Variants in KPNA3 observed in about 807,000 individuals in gnomAD.
KPNA3 encodes the protein karyopherin subunit alpha 3.
A neutral mutation model predicts 73.8 loss-of-function variants in KPNA3; 13 were observed. The ratio of observed to expected loss-of-function variants is 0.18; its 90% CI spans 0.11 to 0.28. The LOEUF is 0.28. Among genes scored for constraint, KPNA3 ranks in the 10% least tolerant of loss-of-function variants. KPNA3 has a pLI of 1.00. For synonymous variants in KPNA3, 186 were observed against 206.9 expected, an observed-to-expected ratio of 0.90 and a Z score of 0.87; for missense variants, 360 against 618.1, an observed-to-expected ratio of 0.58 and a Z score of 4.43.
chr13:49,748,709 T>C (rs1268586018), intron 1 of KPNA3, among the ~76,000 whole-genome samples: 1 of 152,104 alleles, frequency 6.6e-6, no homozygotes, highest in Non-Finnish European at 1.5e-5. Flanking sequence ...AAATTAGTCA[T>C]ATTCATTTCA....
chr13:49,757,853 C>A (rs1794190227), intron 1 of KPNA3, among the ~76,000 whole-genome samples: 1 of 152,104 alleles, frequency 6.6e-6, no homozygotes, highest in Non-Finnish European at 1.5e-5. Flanking sequence ...ACTGCTGATA[C>A]AAACAATGAC....
chr13:49,744,298 C>G (rs1029154406), intron 2 of KPNA3, among the ~76,000 whole-genome samples: 10 of 152,222 alleles, frequency 6.6e-5, no homozygotes, highest in Non-Finnish European at 1.0e-4. Context: ...GCTCATTTCT[C>G]TGGTCTAAAT....
chr13:49,756,317 T>G (rs1954711482), intron 1 of KPNA3, among the ~76,000 whole-genome samples: 1 of 151,918 alleles, frequency 6.6e-6, no homozygotes, highest in East Asian at 1.9e-4. Context: ...GTAATCCCAG[T>G]GCTTTGGGAG....
At chr13:49,766,389 T>C (rs1267513505) in intron 1 of KPNA3, among the ~76,000 whole-genome samples, 1 of 152,226 alleles carries the variant, frequency 6.6e-6, no homozygotes, top group Non-Finnish European at 1.5e-5. Context: ...TGATTACCTC[T>C]ATTGCTGAAT....
chr13:49,770,665 T>G (rs536787017), intron 1 of KPNA3, among the ~76,000 whole-genome samples: 2 of 152,126 alleles, frequency 1.3e-5, no homozygotes, highest in African/African-American at 4.8e-5. Flanking sequence ...AGTTTTTACA[T>G]GTATATCTTT....
intron 1 of KPNA3, among the ~76,000 whole-genome samples, chr13:49,747,367 A>C (rs965418624): frequency 6.6e-6 from 1 of 151,630 alleles, no homozygotes; most frequent in Non-Finnish European, 1.5e-5. Flanking sequence ...AGAAGAAGAA[A>C]AAAAAAAACT....
intron 1 of KPNA3, among the ~76,000 whole-genome samples, chr13:49,777,309 C>A (rs1954905315): frequency 6.6e-6 from 1 of 152,054 alleles, no homozygotes; most frequent in Non-Finnish European, 1.5e-5. Context: ...GTTTCTGAAA[C>A]AGGAAATGCA....
chr13:49,751,957 G>A lies in KPNA3; in HGVS notation c.70-4964C>T, dbSNP rs187453793. On this transcript the variant is annotated intron_variant, in intron 1 of 16. Coordinates refer to ENST00000261667, the MANE Select transcript of KPNA3 (RefSeq NM_002267.4). ...AGGTTGGGAGACAAAGTATTCTAACGAATTCTCAAATACAAGCAGGGTCTG... is the reference window on the plus strand; with the variant it reads ...AGGTTGGGAGACAAAGTATTCTAACAAATTCTCAAATACAAGCAGGGTCTG... Among the ~76,000 whole-genome samples the A allele has an allele frequency of 1.6e-4, 25 of 152,202 alleles. No homozygotes were observed. The East Asian group carries it at 3.7e-3, about 22-fold the overall frequency.
chr13:49,781,669 G>A (rs996571516), intron 1 of KPNA3, among the ~76,000 whole-genome samples: 5 of 152,228 alleles, frequency 3.3e-5, no homozygotes, highest in Non-Finnish European at 5.9e-5. Flanking sequence ...CTTGGATCCC[G>A]AGAACTCATT....
chr13:49,771,774 C>A (rs1326905894), intron 1 of KPNA3, among the ~76,000 whole-genome samples: 2 of 152,166 alleles, frequency 1.3e-5, no homozygotes, highest in South Asian at 2.1e-4. Flanking sequence ...CCACCTTAGC[C>A]TCTAGAGTAG....
chr13:49,782,116 T>C (rs1352809665), intron 1 of KPNA3, among the ~76,000 whole-genome samples: 8 of 152,172 alleles, frequency 5.3e-5, no homozygotes, highest in African/African-American at 1.9e-4. Context: ...GGCACATTAA[T>C]TAATCAGAGG....
intron 15 of KPNA3, among the ~76,000 whole-genome samples, chr13:49,702,907 G>C (rs1594426108): frequency 6.6e-6 from 1 of 152,134 alleles, no homozygotes; most frequent in East Asian, 1.9e-4. Context: ...TGTCACCCAG[G>C]CTGGAGTGCA....
chr13:49,765,170 G>A (rs1318678463), intron 1 of KPNA3, among the ~76,000 whole-genome samples: 1 of 152,040 alleles, frequency 6.6e-6, no homozygotes, highest in Non-Finnish European at 1.5e-5. Context: ...AATAACTCTG[G>A]ATAATCCAGA....
chr13:49,787,584 G>T (rs974722315), intron 1 of KPNA3, among the ~76,000 whole-genome samples: 3 of 152,070 alleles, frequency 2.0e-5, no homozygotes, highest in Non-Finnish European at 4.4e-5. Flanking sequence ...ACAGCTCATT[G>T]TAACCTCTGC....
intron 7 of KPNA3, among the ~76,000 whole-genome samples, chr13:49,724,202 T>A (rs184542970): frequency 4.6e-5 from 7 of 152,360 alleles, no homozygotes; most frequent in Non-Finnish European, 1.0e-4. Context: ...TTGGGTTAGT[T>A]ATGAATAACA....
At chr13:49,752,074 G>C (rs1954667707) in intron 1 of KPNA3, among the ~76,000 whole-genome samples, 1 of 152,182 alleles carries the variant, frequency 6.6e-6, no homozygotes, top group Non-Finnish European at 1.5e-5. Context: ...CTGAGAACAA[G>C]AGAACTCCCA....
intron 1 of KPNA3, among the ~76,000 whole-genome samples, chr13:49,778,512 T>C (rs1232361967): frequency 1.3e-5 from 2 of 152,268 alleles, no homozygotes; most frequent in African/African-American, 4.8e-5. Flanking sequence ...CTAAGGACTT[T>C]CTTTTAACAA....
intron 6 of KPNA3, among the ~76,000 whole-genome samples, chr13:49,729,873 T>A (rs1218699659): frequency 1.3e-5 from 2 of 152,236 alleles, no homozygotes; most frequent in Non-Finnish European, 2.9e-5. Context: ...TTCCATTCCT[T>A]ACCATCACCT....
intron 1 of KPNA3, among the ~76,000 whole-genome samples, chr13:49,778,293 A>C (rs1440087473): frequency 1.3e-5 from 2 of 152,244 alleles, no homozygotes; most frequent in African/African-American, 2.4e-5. Context: ...CCAATCACCA[A>C]GTTTTGGCCA....
Sources: allele counts gnomAD v4.1 joint callset (sites outside exome capture counted in the v4.1 genomes callset), GRCh38; gene constraint gnomAD v4.1.1; transcripts MANE v1.5; gene names NCBI Gene and HGNC (gene_info 2026-07-23, HGNC 2026-07-21).